The following PCDH15 variants were observed in gnomAD, a reference collection of about 807,000 sequenced individuals.
The protein encoded by PCDH15 is protocadherin-15.
PCDH15 carries 129 observed loss-of-function variants against 178.5 expected under a neutral mutation model. That is an observed-to-expected ratio of 0.72 (90% confidence interval 0.63 to 0.84). The LOEUF (loss-of-function observed/expected upper bound fraction) is 0.84, where lower values mean the gene tolerates loss of function less well. PCDH15 is among the 40% of genes least tolerant of loss of function. The pLI is 0.00. For synonymous variants in PCDH15, 800 were observed against 732.0 expected (o/e 1.09, Z -1.50); for missense variants, 2,230 against 2,099.9 (o/e 1.06, Z -1.21).
chr10:54,417,113 T>C (rs9416327), intron 3 of PCDH15, among the ~76,000 whole-genome samples: 31,288 of 152,022 alleles, frequency 0.21, 4,012 homozygotes, highest in African/African-American at 0.36. Context: ...TGGTCTGGAA[T>C]TCCTGGGCTC....
intron 4 of PCDH15, among the ~76,000 whole-genome samples, chr10:54,377,883 A>C: frequency 6.6e-6 from 1 of 151,950 alleles, no homozygotes; most frequent in Non-Finnish European, 1.5e-5. Context: ...TTTTTTTTTA[A>C]TTTTTCCAGA....
At chr10:54,040,897 T>G (rs539137190) in intron 18 of PCDH15, among the ~76,000 whole-genome samples, 1 of 152,242 alleles carries the variant, frequency 6.6e-6, no homozygotes, top group Non-Finnish European at 1.5e-5. Flanking sequence ...TGGATGCAAT[T>G]ATTTACTCTA....
chr10:53,826,193 T>G (rs1434499016), intron 32 of PCDH15, among the ~76,000 whole-genome samples: 6 of 151,922 alleles, frequency 3.9e-5, no homozygotes, highest in Non-Finnish European at 8.8e-5. Context: ...TGAAAGCATA[T>G]ATCTAAAGCA....
At chr10:54,150,882 A>T (rs1213300995) in intron 14 of PCDH15, among the ~76,000 whole-genome samples, 1 of 152,128 alleles carries the variant, frequency 6.6e-6, no homozygotes, top group Non-Finnish European at 1.5e-5. Context: ...GCAAGCATAT[A>T]ATATCAGCTT....
intron 8 of PCDH15, among the ~76,000 whole-genome samples, chr10:54,293,269 G>C (rs538893006): frequency 3.2e-4 from 49 of 152,142 alleles, no homozygotes; most frequent in Non-Finnish European, 5.7e-4. Context: ...GCCACATGTA[G>C]AAGGCTGAAA....
chr10:55,582,306 G>C (rs1274140109), intron 2 of PCDH15, among the ~76,000 whole-genome samples: 1 of 152,046 alleles, frequency 6.6e-6, no homozygotes, highest in Non-Finnish European at 1.5e-5. Flanking sequence ...TAAAAGTGCT[G>C]AGAAAATAAT....
chr10:54,686,038 C>G (rs751031922), intron 1 of PCDH15, among the ~76,000 whole-genome samples: 364 of 99,644 alleles, frequency 3.7e-3, no homozygotes, highest in Non-Finnish European at 6.9e-3. Context: ...AGCAAGACAG[C>G]CAATTTTTTT....
chr10:54,621,267 TGCTA>T (rs935090498), intron 2 of PCDH15, among the ~76,000 whole-genome samples: 9 of 151,972 alleles, frequency 5.9e-5, no homozygotes, highest in Admixed American at 3.9e-4. Flanking sequence ...CCAAACCCCA[TGCTA>T]GCAACAGTAA....
At chr10:55,275,301 G>C (rs544751434) in intron 1 of PCDH15, among the ~76,000 whole-genome samples, 1 of 151,568 alleles carries the variant, frequency 6.6e-6, no homozygotes, top group South Asian at 2.1e-4. Flanking sequence ...CCACTTTAGT[G>C]TCTCTTGATT....
chr10:55,118,166 T>C (rs1398271197), intron 2 of PCDH15, among the ~76,000 whole-genome samples: 1 of 152,094 alleles, frequency 6.6e-6, no homozygotes, highest in Non-Finnish European at 1.5e-5. Context: ...TATAGACAAA[T>C]ATTATCTTAA....
intron 1 of PCDH15, among the ~76,000 whole-genome samples, chr10:55,253,769 G>A (rs983446734): frequency 5.9e-5 from 9 of 152,142 alleles, no homozygotes; most frequent in Non-Finnish European, 1.0e-4. Context: ...TGTAAAATGG[G>A]TAAAAATTAA....
At chr10:54,370,393 GT>G (rs1180940668) in intron 4 of PCDH15, among the ~76,000 whole-genome samples, 2 of 151,714 alleles carry the variant, frequency 1.3e-5, no homozygotes, top group South Asian at 4.2e-4. Flanking sequence ...AATTTGGCTC[GT>G]TGTATATTTT....
At chr10:54,076,809 T>C (rs1355084243) in intron 17 of PCDH15, among the ~76,000 whole-genome samples, 1 of 151,988 alleles carries the variant, frequency 6.6e-6, no homozygotes, top group Non-Finnish European at 1.5e-5. Context: ...GTAGAAAACG[T>C]GTATTCTCAT....
At chr10:54,973,781 T>C (rs1196912050) in intron 2 of PCDH15, among the ~76,000 whole-genome samples, 3 of 152,050 alleles carry the variant, frequency 2.0e-5, no homozygotes, top group African/African-American at 7.2e-5. Flanking sequence ...ACAACCTCTA[T>C]CATGGAATAA....
At chr10:55,159,341 A>ATATCTATC (rs1358781966) in intron 2 of PCDH15, among the ~76,000 whole-genome samples, 6 of 33,090 alleles carry the variant, frequency 1.8e-4, no homozygotes, top group African/African-American at 3.1e-4. Flanking sequence ...TAAGATTACC[A>ATATCTATC]TATCTATCTA....
chr10:55,602,291 G>A (rs980347123), intron 2 of PCDH15, among the ~76,000 whole-genome samples: 2 of 152,252 alleles, frequency 1.3e-5, no homozygotes, highest in South Asian at 2.1e-4. Flanking sequence ...CAAACTGCAA[G>A]GCGGCAGCGA....
intron 3 of PCDH15, among the ~76,000 whole-genome samples, chr10:54,388,194 A>G (rs1359018708): frequency 1.3e-5 from 2 of 152,182 alleles, no homozygotes; most frequent in East Asian, 3.9e-4. Flanking sequence ...ACAAGTATGG[A>G]AAGTCTTTTC....
At chr10:55,247,308 A>G (rs1431162262) in intron 1 of PCDH15, among the ~76,000 whole-genome samples, 1 of 152,194 alleles carries the variant, frequency 6.6e-6, no homozygotes, top group African/African-American at 2.4e-5. Flanking sequence ...CTACGTACAT[A>G]TTCTTATGTA....
chr10:55,438,412 GC>G (rs1839098788), intron 2 of PCDH15, among the ~76,000 whole-genome samples: 1 of 152,074 alleles, frequency 6.6e-6, no homozygotes, highest in Non-Finnish European at 1.5e-5. Context: ...ACAACAGCCA[GC>G]TCAGTATCTA....
Sources: allele counts gnomAD v4.1 joint callset (sites outside exome capture counted in the v4.1 genomes callset), GRCh38; gene constraint gnomAD v4.1.1; transcripts MANE v1.5; gene names NCBI Gene and HGNC (gene_info 2026-07-23, HGNC 2026-07-21).